DENND4A: variants seen among roughly 807,000 people sequenced by gnomAD.
The protein encoded by DENND4A is C-myc promoter-binding protein.
Under a neutral mutation model 199.3 loss-of-function variants are expected in DENND4A, and 70 were observed. The observed-to-expected ratio is 0.35, with a 90% CI of 0.29 to 0.43. The LOEUF (loss-of-function observed/expected upper bound fraction) is 0.43. Among genes scored for constraint, DENND4A ranks in the 20% least tolerant of loss-of-function variants. The pLI, the probability that DENND4A is intolerant of heterozygous loss-of-function variation, is 1.00. For synonymous variants in DENND4A, 686 were observed against 766.9 expected (o/e 0.89, Z 1.74); for missense variants, 1,723 against 2,255.8 (o/e 0.76, Z 4.78).
chr15:65,767,035 C>T lies in DENND4A; in HGVS notation c.-101-5597G>A, dbSNP rs191809598. Among the ~76,000 whole-genome samples the T allele has an allele frequency of 1.3e-3, 202 of 152,152 alleles. 2 individuals carry two copies. The highest frequency in any genetic ancestry group is 4.7e-3 in the African/African-American group (195 of 41,516). On this transcript the variant is annotated intron_variant, in intron 1 of 32. Transcript: ENST00000443035. Reference sequence around the variant, plus strand: ...ATACAGATACCTCTTGTTTCCAGACCGACTATAAACAATTCAAAGGCAGAA... The same window carrying T: ...ATACAGATACCTCTTGTTTCCAGACTGACTATAAACAATTCAAAGGCAGAA...
chr15:65,712,641 A>T (rs1387124511), intron 14 of DENND4A, among the ~76,000 whole-genome samples: 1 of 152,146 alleles, frequency 6.6e-6, no homozygotes, highest in Non-Finnish European at 1.5e-5. Context: ...CATATTTAAC[A>T]ATCAGTAAGG....
intron 29 of DENND4A, among the ~76,000 whole-genome samples, chr15:65,665,972 C>A (rs1288802816): frequency 6.6e-6 from 1 of 152,166 alleles, no homozygotes; most frequent in Non-Finnish European, 1.5e-5. Flanking sequence ...TATAAAACAA[C>A]ATACCGAAAA....
chr15:65,782,611 C>A (rs1035780863), intron 1 of DENND4A, among the ~76,000 whole-genome samples: 1 of 151,788 alleles, frequency 6.6e-6, no homozygotes, highest in Admixed American at 6.6e-5. Flanking sequence ...TTAAAATGGG[C>A]AAAATAACAC....
intron 1 of DENND4A, among the ~76,000 whole-genome samples, chr15:65,763,972 C>T (rs956518100): frequency 2.0e-5 from 3 of 152,056 alleles, no homozygotes; most frequent in Admixed American, 6.5e-5. Context: ...AATTCAACAT[C>T]AGTTGTCACA....
At chr15:65,697,052 T>G (rs988213364) in intron 21 of DENND4A, 4 of 444,680 alleles carry the variant, frequency 9.0e-6, no homozygotes, top group African/African-American at 8.2e-5. Flanking sequence ...CTAATGGTAT[T>G]TGATTTGGGA....
chr15:65,716,163 T>C (rs1274179637), intron 13 of DENND4A, among the ~76,000 whole-genome samples: 4 of 152,220 alleles, frequency 2.6e-5, no homozygotes, highest in East Asian at 3.9e-4. Context: ...TCAGGGACTG[T>C]GTAAACTGTT....
intron 4 of DENND4A, among the ~76,000 whole-genome samples, chr15:65,750,679 T>A (rs907830062): frequency 1.3e-5 from 2 of 152,032 alleles, no homozygotes; most frequent in African/African-American, 4.8e-5. Context: ...ACTCCATAGA[T>A]CTACAATTTG....
intron 1 of DENND4A, among the ~76,000 whole-genome samples, chr15:65,777,948 C>A (rs898165330): frequency 6.6e-6 from 1 of 152,014 alleles, no homozygotes; most frequent in African/African-American, 2.4e-5. Flanking sequence ...GCAGAAGAAT[C>A]GCTTGAACCC....
At chr15:65,720,489 G>T (rs2075580388) in intron 12 of DENND4A, among the ~76,000 whole-genome samples, 1 of 149,728 alleles carries the variant, frequency 6.7e-6, no homozygotes, top group South Asian at 2.1e-4. Flanking sequence ...TTGGTTCACT[G>T]CAACCTTTGC....
intron 14 of DENND4A, among the ~76,000 whole-genome samples, chr15:65,713,086 C>T (rs1396752415): frequency 2.0e-5 from 3 of 152,102 alleles, no homozygotes; most frequent in Non-Finnish European, 4.4e-5. Context: ...GAAATCAACA[C>T]ACTAATACAT....
At chr15:65,687,180 C>T (rs1488821194) in intron 23 of DENND4A, among the ~76,000 whole-genome samples, 3 of 152,034 alleles carry the variant, frequency 2.0e-5, no homozygotes, top group Non-Finnish European at 2.9e-5. Flanking sequence ...TTTTTTAACT[C>T]AGTGCTCCAG....
intron 9 of DENND4A, among the ~76,000 whole-genome samples, chr15:65,730,296 T>C (rs1403815789): frequency 6.6e-6 from 1 of 152,036 alleles, no homozygotes; most frequent in Non-Finnish European, 1.5e-5. Flanking sequence ...ACTGACAAAG[T>C]AAATAAATAG....
At chr15:65,697,056 T>G in intron 21 of DENND4A, 1 of 450,236 alleles carries the variant, frequency 2.2e-6, no homozygotes, top group Non-Finnish European at 3.9e-6. Context: ...TGGTATTTGA[T>G]TTGGGAAGTG....
chr15:65,785,546 C>G (rs201170968), intron 1 of DENND4A, among the ~76,000 whole-genome samples: 1 of 149,550 alleles, frequency 6.7e-6, no homozygotes, highest in African/African-American at 2.5e-5. Context: ...TTGTTTTGTA[C>G]GAGACATTTT....
chr15:65,713,677 T>C (rs1483489936), intron 14 of DENND4A, among the ~76,000 whole-genome samples: 1 of 152,234 alleles, frequency 6.6e-6, no homozygotes, highest in East Asian at 1.9e-4. Flanking sequence ...GATTTGCCTG[T>C]GGAAATCCCT....
chr15:65,715,350 A>C (rs571945591), intron 14 of DENND4A, 128 bp downstream of exon 14: 1 of 910,722 alleles, frequency 1.1e-6, no homozygotes, highest in African/African-American at 1.7e-5. Flanking sequence ...ACTTTCATTT[A>C]AGTGGTCAAC....
At chr15:65,714,414 A>G (rs77789838) in intron 14 of DENND4A, among the ~76,000 whole-genome samples, 1 of 85,302 alleles carries the variant, frequency 1.2e-5, no homozygotes, top group Non-Finnish European at 2.1e-5. Context: ...CTCCGTCTCA[A>G]AAAAAAAAAC....
At chr15:65,737,618 A>G (rs1019008708) in intron 7 of DENND4A, 89 bp downstream of exon 7, 1 of 1,276,496 alleles carries the variant, frequency 7.8e-7, no homozygotes, top group African/African-American at 1.5e-5. Context: ...GAAATCTAGT[A>G]TCCATATAAA....
At position 65,738,829 on chromosome 15, in the gene DENND4A, T is replaced by C; in HGVS notation, c.678A>G (p.Leu226=). The part of the protein sequence containing the change: ...YPQEDYESFS[L]PESVPLFCLP... Reference sequence around the variant, plus strand: ...AACAAAATAGAGGAACAGATTCCGGTAGTGAGAATGACTCATAATCTTCTT... The same window carrying C: ...AACAAAATAGAGGAACAGATTCCGGCAGTGAGAATGACTCATAATCTTCTT... The change falls in exon 6 of 33, where the codon CTA becomes CTG. Residue 226 remains leucine (L), a synonymous_variant. Coordinates refer to ENST00000443035, the MANE Select transcript of DENND4A (RefSeq NM_001320835.1). 1.2e-6 allele frequency: 2 copies of C among 1,610,208 alleles called. No individual in the cohort carries two copies. The highest frequency in any genetic ancestry group is 1.7e-6 in the Non-Finnish European group (2 of 1,178,556).
Sources: allele counts gnomAD v4.1 joint callset (sites outside exome capture counted in the v4.1 genomes callset), GRCh38; gene constraint gnomAD v4.1.1; transcripts MANE v1.5; gene names NCBI Gene and HGNC (gene_info 2026-07-23, HGNC 2026-07-21).